Variants in AXDND1 observed in about 807,000 individuals in gnomAD.
AXDND1 encodes axonemal dynein light chain domain-containing protein 1.
A neutral mutation model predicts 137.5 loss-of-function variants in AXDND1; 110 were observed. The observed-to-expected ratio is 0.80, with a 90% CI of 0.69 to 0.94. AXDND1 has a LOEUF of 0.94. Ranked by LOEUF, AXDND1 falls within the 40% of genes least tolerant of loss-of-function variation. The pLI is 0.00. For missense variants in AXDND1, 1,191 were observed against 1,169.8 expected, an observed-to-expected ratio of 1.02 and a Z score of -0.26; for synonymous variants, 414 against 399.7, an observed-to-expected ratio of 1.04 and a Z score of -0.43.
At chr1:179,513,336 T>G (rs1427340456) in intron 21 of AXDND1, among the ~76,000 whole-genome samples, 3 of 152,186 alleles carry the variant, frequency 2.0e-5, no homozygotes, top group Non-Finnish European at 2.9e-5. Context: ...TGACTTTTGT[T>G]TTTAATTCTG....
intron 25 of AXDND1, among the ~76,000 whole-genome samples, chr1:179,542,813 T>C (rs1002379336): frequency 2.0e-5 from 3 of 152,182 alleles, no homozygotes; most frequent in Admixed American, 6.5e-5. Context: ...CTGCAAACAG[T>C]AATTTACACA....
chr1:179,517,786 C>G (rs1669683856), intron 21 of AXDND1, among the ~76,000 whole-genome samples: 1 of 152,212 alleles, frequency 6.6e-6, no homozygotes, highest in African/African-American at 2.4e-5. Flanking sequence ...TTTGGGCACT[C>G]ACAGTATTTG....
intron 9 of AXDND1, among the ~76,000 whole-genome samples, chr1:179,393,221 G>A (rs1447016598): frequency 6.6e-6 from 1 of 152,030 alleles, no homozygotes; most frequent in African/African-American, 2.4e-5. Flanking sequence ...TGTTGAAAAG[G>A]GTGTCCTTTC....
At chr1:179,440,540 C>T (rs763488129) in intron 15 of AXDND1, among the ~76,000 whole-genome samples, 4 of 152,182 alleles carry the variant, frequency 2.6e-5, no homozygotes, top group Non-Finnish European at 5.9e-5. Context: ...GTAGGACTGG[C>T]TTGTATTATA....
At chr1:179,435,373 G>A (rs7537156) in intron 15 of AXDND1, among the ~76,000 whole-genome samples, 13 of 151,994 alleles carry the variant, frequency 8.6e-5, no homozygotes, top group African/African-American at 3.1e-4. Context: ...AAAAAAGAGC[G>A]CATATTGCTA....
chr1:179,536,912 TGAG>T (rs1671604549), intron 25 of AXDND1, among the ~76,000 whole-genome samples: 2 of 152,236 alleles, frequency 1.3e-5, no homozygotes, highest in Non-Finnish European at 2.9e-5. Flanking sequence ...TAGTTCTCCT[TGAG>T]GAGGTTCTTC....
intron 17 of AXDND1, among the ~76,000 whole-genome samples, chr1:179,469,254 G>A (rs1420753554): frequency 1.3e-5 from 2 of 152,030 alleles, no homozygotes; most frequent in African/African-American, 4.8e-5. Flanking sequence ...TATTTGAAAG[G>A]AATCATTGTA....
At chr1:179,426,231 ATGTT>A (rs1656552549) in intron 12 of AXDND1, among the ~76,000 whole-genome samples, 1 of 152,152 alleles carries the variant, frequency 6.6e-6, no homozygotes, top group Admixed American at 6.6e-5. Context: ...CTGGGAGAAA[ATGTT>A]TGTATAGTTA....
At chr1:179,419,076 C>T (rs1038837124) in intron 12 of AXDND1, among the ~76,000 whole-genome samples, 5 of 151,106 alleles carry the variant, frequency 3.3e-5, no homozygotes, top group African/African-American at 1.2e-4. Flanking sequence ...GGGAAGAGGC[C>T]CCCCTCACTT....
intron 25 of AXDND1, chr1:179,544,389 C>T (rs960062667): frequency 3.9e-5 from 6 of 152,058 alleles, no homozygotes; most frequent in African/African-American, 1.4e-4. Flanking sequence ...AAGAGAAGAT[C>T]TAGGCTGGGC....
Position 179,382,689 on chromosome 1 carries a change from A to G in AXDND1, c.582-11A>G. On this transcript the variant is annotated splice_polypyrimidine_tract_variant and intron_variant, in intron 6 of 25. Transcript: ENST00000367618. ...TCTTAAAATAACATTTACCTATCTT[A>G]TTTATTGTAGCAAATACACTACTCT... 1 of 1,591,626 alleles carries G rather than the reference A, an allele frequency of 6.3e-7. No individual in the cohort carries two copies.
intron 20 of AXDND1, among the ~76,000 whole-genome samples, chr1:179,503,564 G>A (rs6425570): frequency 0.89 from 135,505 of 151,570 alleles, 60,661 homozygotes; most frequent in East Asian, 0.96. Flanking sequence ...TAATTTTATT[G>A]TTATTATACT....
chr1:179,377,891 G>A (rs1005702042), intron 4 of AXDND1, among the ~76,000 whole-genome samples: 2 of 152,070 alleles, frequency 1.3e-5, no homozygotes, highest in Admixed American at 6.6e-5. Flanking sequence ...ACATGACAGC[G>A]GCCGGGCATG....
At chr1:179,551,862 A>G (rs1673335064) in intron 25 of AXDND1, 2 of 217,612 alleles carry the variant, frequency 9.2e-6, no homozygotes, top group South Asian at 1.5e-4. Flanking sequence ...CACTACACAA[A>G]TGCTACCTGA....
intron 12 of AXDND1, among the ~76,000 whole-genome samples, chr1:179,421,913 G>A (rs560156739): frequency 2.0e-5 from 3 of 151,692 alleles, no homozygotes; most frequent in Admixed American, 6.6e-5. Context: ...GGTGGCAGGC[G>A]CCTGTAATCC....
intron 15 of AXDND1, among the ~76,000 whole-genome samples, chr1:179,439,939 T>C (rs1055278827): frequency 2.0e-5 from 3 of 152,250 alleles, no homozygotes; most frequent in African/African-American, 7.2e-5. Context: ...GTAAATCCAC[T>C]GGACCTTTCC....
chr1:179,450,903 G>A (rs1010472192), intron 16 of AXDND1: 1 of 152,238 alleles, frequency 6.6e-6, no homozygotes, highest in South Asian at 2.1e-4. Context: ...CAGCCTGGGT[G>A]ACAGAGAGAG....
rs778520338 is a variant in AXDND1, at chr1:179,528,465, A to G, written c.2715+34A>G. 22 of 1,431,238 alleles carry G rather than the reference A, an allele frequency of 1.5e-5. No homozygotes were observed. In the East Asian group the frequency reaches 5.0e-4, roughly 33 times the overall value. The allele number at this position is 1,431,238 out of a possible 1,614,324, so 88.7% of individuals were successfully genotyped here. A position where few individuals can be genotyped will look rare whatever the true frequency, so the allele number is the denominator to read the frequency against. On this transcript the variant is annotated intron_variant, in intron 23 of 25. Coordinates refer to ENST00000367618, the MANE Select transcript of AXDND1 (RefSeq NM_144696.6). ...CTGAAACCCAGCTAGGGAATTCAAC[A>G]CTATTTAACATTGCATAAAAATGAT...
chr1:179,414,411 C>CTTTATTTA (rs80339851), intron 12 of AXDND1, among the ~76,000 whole-genome samples: 50,927 of 149,098 alleles, frequency 0.34, 8,904 homozygotes, highest in Middle Eastern at 0.43. Flanking sequence ...CCAAATTAAT[C>CTTTATTTA]TTTATTTATT....
Sources: gnomAD v4.1 joint callset for allele counts (sites outside exome capture counted in the v4.1 genomes callset) on GRCh38, gnomAD v4.1.1 for gene constraint, MANE v1.5 for transcripts, NCBI Gene and HGNC (gene_info 2026-07-23, HGNC 2026-07-21) for gene names.